Variants in SHROOM2 observed in about 807,000 individuals in gnomAD.
SHROOM2 encodes the protein shroom family member 2.
In SHROOM2, 33 loss-of-function variants were observed where a neutral mutation model predicts 75.9. That is an observed-to-expected ratio of 0.43 (90% CI 0.33 to 0.58). SHROOM2 has a LOEUF of 0.58. Among genes scored for constraint, SHROOM2 ranks in the 20% least tolerant of loss-of-function variants. The pLI is 0.04. For missense variants in SHROOM2, 1,434 were observed against 1,461.2 expected, an observed-to-expected ratio of 0.98 and a Z score of 0.30; for synonymous variants, 655 against 663.6, an observed-to-expected ratio of 0.99 and a Z score of 0.20.
chrX:9,941,411 G>A (rs1333127539), intron 8 of SHROOM2, among the ~76,000 whole-genome samples: 1 of 112,504 alleles, frequency 8.9e-6, no homozygotes, highest in African/African-American at 3.2e-5. Context: ...GACAGCCACT[G>A]ATCTGTTCAC....
In SHROOM2 at chrX:9,937,691, T is replaced by TAGGC. The variant is rs1229356469; in HGVS notation, c.4139+7_4139+10dup. The TAGGC allele has an allele frequency of 1.7e-6, 2 of 1,158,796 alleles. No homozygotes were observed. Among genetic ancestry groups the TAGGC allele is most frequent in the African/African-American group, 3.6e-5 (2 of 55,855 alleles). On this transcript the variant is annotated splice_region_variant and intron_variant, in intron 7 of 9. Coordinates refer to ENST00000380913, the MANE Select transcript of SHROOM2 (RefSeq NM_001649.4). ...CCTAGAAGCACAGAGGAGAGGTGAG[T>TAGGC]AGGCGTGGCCTCCCAGCTTGGGCGT...
Position 9,947,799 on chromosome X carries a change from A to G in SHROOM2, c.*862A>G, listed in dbSNP as rs978620627. The G allele has an allele frequency of 2.7e-5, 3 of 112,264 alleles. No homozygotes were observed. Among genetic ancestry groups the G allele is most frequent in the African/African-American group, 9.7e-5 (3 of 30,863 alleles). The allele number at this position is 112,264 out of a possible 1,213,427, so 9.3% of individuals were successfully genotyped here. On this transcript the variant is annotated 3_prime_UTR_variant, in exon 10 of 10. Transcript: ENST00000380913. ...TTCCCCCCATGTATTTTGTATGCAT[A>G]TGATTGTCCGTGATAATTGGCTACT...
intron 5 of SHROOM2, among the ~76,000 whole-genome samples, chrX:9,910,203 T>A (rs1333890143): frequency 9.0e-6 from 1 of 110,871 alleles, no homozygotes; most frequent in Non-Finnish European, 1.9e-5. Flanking sequence ...TGGATGAGGT[T>A]CAAAGACAGA....
At chrX:9,854,739 G>T (rs1302317142) in intron 1 of SHROOM2, among the ~76,000 whole-genome samples, 2 of 111,513 alleles carry the variant, frequency 1.8e-5, no homozygotes, top group African/African-American at 6.5e-5. Flanking sequence ...TGCTGTAGTG[G>T]TGTGAGCAAC....
chrX:9,792,089 T>G (rs1332339946), intron 1 of SHROOM2, among the ~76,000 whole-genome samples: 2 of 14,167 alleles, frequency 1.4e-4, no homozygotes, highest in East Asian at 1.2e-3. Flanking sequence ...TAGAATAGAA[T>G]AGAATAGAAT....
chrX:9,900,219 G>A (rs2084358556), intron 5 of SHROOM2, among the ~76,000 whole-genome samples: 1 of 110,480 alleles, frequency 9.1e-6, no homozygotes, highest in Non-Finnish European at 1.9e-5. Flanking sequence ...TTTTTTGAGT[G>A]GTGAGGCGCG....
At chrX:9,850,763 C>A (rs2084034458) in intron 1 of SHROOM2, among the ~76,000 whole-genome samples, 1 of 105,837 alleles carries the variant, frequency 9.4e-6, no homozygotes, top group African/African-American at 3.5e-5. Flanking sequence ...TCACTTGAGC[C>A]CAGGAGGTCA....
intron 5 of SHROOM2, among the ~76,000 whole-genome samples, chrX:9,901,354 A>C (rs1835667314): frequency 8.9e-6 from 1 of 112,042 alleles, no homozygotes; most frequent in African/African-American, 3.2e-5. Context: ...TTCAGTCCCT[A>C]ACACTGGGAG....
intron 1 of SHROOM2, among the ~76,000 whole-genome samples, chrX:9,797,228 G>A (rs1257206065): frequency 2.7e-5 from 3 of 111,931 alleles, no homozygotes; most frequent in Non-Finnish European, 5.6e-5. Flanking sequence ...CTGCAGCCAT[G>A]CCTGCCATTT....
intron 1 of SHROOM2, among the ~76,000 whole-genome samples, chrX:9,823,164 T>TCC (rs1339711176): frequency 1.2e-3 from 42 of 35,705 alleles, no homozygotes; most frequent in African/African-American, 2.7e-3. Flanking sequence ...TTCTTCTTCT[T>TCC]TTCTTCTTCT....
At chrX:9,825,534 G>A (rs771610427) in intron 1 of SHROOM2, among the ~76,000 whole-genome samples, 3 of 112,179 alleles carry the variant, frequency 2.7e-5, no homozygotes, top group Admixed American at 1.9e-4. Flanking sequence ...CCTCCTCTTC[G>A]CATGTTTACA....
At chrX:9,846,525 G>A (rs1220417946) in intron 1 of SHROOM2, among the ~76,000 whole-genome samples, 1 of 111,788 alleles carries the variant, frequency 8.9e-6, no homozygotes, top group Non-Finnish European at 1.9e-5. Flanking sequence ...TCAATCTCCT[G>A]ACCTCGTGAT....
intron 1 of SHROOM2, among the ~76,000 whole-genome samples, chrX:9,794,715 T>C (rs1157835582): frequency 7.1e-5 from 8 of 111,991 alleles, no homozygotes; most frequent in African/African-American, 2.6e-4. Flanking sequence ...GTAAATTCTT[T>C]TACTGCCCGT....
At chrX:9,912,198 GACACACACACACACACACACACACAC>G (rs57939278) in intron 5 of SHROOM2, among the ~76,000 whole-genome samples, 1 of 16,140 alleles carries the variant, frequency 6.2e-5, no homozygotes, top group Non-Finnish European at 1.3e-4. Flanking sequence ...TAAATTACAA[GACACACACACACACACACACACACAC>G]ACACACACAC....
chrX:9,832,176 A>T (rs929433498), intron 1 of SHROOM2, among the ~76,000 whole-genome samples: 2 of 112,095 alleles, frequency 1.8e-5, no homozygotes, highest in African/African-American at 6.5e-5. Context: ...AAGAGGCAGG[A>T]TGACCTTGGC....
intron 1 of SHROOM2, among the ~76,000 whole-genome samples, chrX:9,795,528 T>C (rs1016085615): frequency 2.7e-5 from 3 of 111,732 alleles, no homozygotes; most frequent in Non-Finnish European, 5.6e-5. Context: ...TTGCATAGAT[T>C]GTTTCTGAGC....
intron 1 of SHROOM2, among the ~76,000 whole-genome samples, chrX:9,791,975 AG>A (rs2083651827): frequency 0.02 from 1 of 51 alleles, no homozygotes; most frequent in Non-Finnish European, 0.14. Flanking sequence ...TCTCGAGAAT[AG>A]AATAGAATAG....
intron 2 of SHROOM2, among the ~76,000 whole-genome samples, chrX:9,887,539 T>C (rs201171601): frequency 8.9e-6 from 1 of 112,290 alleles, no homozygotes; most frequent in East Asian, 2.8e-4. Flanking sequence ...AGATGATTAC[T>C]CTCCATTTTG....
At position 9,878,212 on chromosome X, in the gene SHROOM2, C is replaced by A. The variant is rs928608905; in HGVS notation, c.317+4409C>A. Among the ~76,000 whole-genome samples, 3 of 111,474 alleles carry A rather than the reference C, an allele frequency of 2.7e-5. No homozygotes were observed. In the Admixed American group the frequency reaches 2.9e-4, roughly 11 times the overall value. ...ATCCACCTGCCACCTTGTCACAGAC[C>A]CCACTCTGGGCAGTTTCTCTTGAAC... On this transcript the variant is annotated intron_variant, in intron 2 of 9. Coordinates refer to ENST00000380913, the MANE Select transcript of SHROOM2 (RefSeq NM_001649.4).
Sources: gnomAD v4.1 joint callset for allele counts (sites outside exome capture counted in the v4.1 genomes callset) on GRCh38, gnomAD v4.1.1 for gene constraint, MANE v1.5 for transcripts, NCBI Gene and HGNC (gene_info 2026-07-23, HGNC 2026-07-21) for gene names.